LNX2: variants seen among roughly 807,000 people sequenced by gnomAD.
LNX2 encodes ligand of Numb protein X 2.
LNX2 carries 35 observed loss-of-function variants against 66.2 expected under a neutral mutation model. That is an observed-to-expected ratio of 0.53 (90% CI 0.40 to 0.70). The LOEUF (loss-of-function observed/expected upper bound fraction) is 0.70. Among genes scored for constraint, LNX2 ranks in the 30% least tolerant of loss-of-function variants. The probability of loss-of-function intolerance (pLI) is 0.00; values close to 1 mark genes in which losing one functional copy is unlikely to be tolerated. For synonymous variants in LNX2, 337 were observed against 315.6 expected (o/e 1.07, Z -0.72); for missense variants, 791 against 850.8 (o/e 0.93, Z 0.87).
At chr13:27,568,229 G>A (rs893440260) in intron 3 of LNX2, among the ~76,000 whole-genome samples, 1 of 152,234 alleles carries the variant, frequency 6.6e-6, no homozygotes, top group Non-Finnish European at 1.5e-5. Context: ...CACAGGTGTT[G>A]AGAGAGTAGC....
rs942833773 is a variant in LNX2 at position 27,581,814 on chromosome 13, A to G, written c.-100-11T>C. 22 of 780,310 alleles carry G rather than the reference A, an allele frequency of 2.8e-5. No homozygotes were observed. The highest frequency in any genetic ancestry group is 1.7e-4 in the Admixed American group (6 of 34,836). The allele number at this position is 780,310 out of a possible 1,614,324, so 48.3% of individuals were successfully genotyped here. ...TCAAGGTGTGTTTTTCTAGATAAGC[A>G]AAACAAACACATTAAAAAAGGTAAT... On this transcript the variant is annotated splice_polypyrimidine_tract_variant and intron_variant, in intron 1 of 9. Coordinates refer to ENST00000316334, the MANE Select transcript of LNX2 (RefSeq NM_153371.4).
chr13:27,561,285 T>C (rs575058607), intron 5 of LNX2, among the ~76,000 whole-genome samples: 4 of 152,342 alleles, frequency 2.6e-5, no homozygotes, highest in Admixed American at 1.3e-4. Context: ...CCATCTATTA[T>C]TTTCTATCTT....
chr13:27,587,942 G>A (rs1160476646), intron 1 of LNX2, among the ~76,000 whole-genome samples: 4 of 147,372 alleles, frequency 2.7e-5, no homozygotes, highest in East Asian at 4.0e-4. Context: ...AATGGCGTGA[G>A]CCCTGGAGGC....
chr13:27,567,996 C>T (rs1249497613), intron 3 of LNX2, among the ~76,000 whole-genome samples, 157 bp from the exon 4 acceptor site: 1 of 152,168 alleles, frequency 6.6e-6, no homozygotes, highest in Non-Finnish European at 1.5e-5. Flanking sequence ...GACAAAATAT[C>T]TGTTGTTAAG....
chr13:27,566,483 G>A (rs905331196), intron 4 of LNX2, among the ~76,000 whole-genome samples: 2 of 152,200 alleles, frequency 1.3e-5, no homozygotes, highest in African/African-American at 4.8e-5. Context: ...AACAAGACAG[G>A]TTGTAGAAGA....
chr13:27,583,359 G>T (rs113800663), intron 1 of LNX2, among the ~76,000 whole-genome samples: 1,780 of 148,784 alleles, frequency 0.012, 118 homozygotes, highest in African/African-American at 0.044. Flanking sequence ...CCAGGTTCAA[G>T]CGATTCTCCT....
intron 1 of LNX2, among the ~76,000 whole-genome samples, chr13:27,585,036 T>C (rs941860098): frequency 2.6e-5 from 4 of 150,986 alleles, no homozygotes; most frequent in Middle Eastern, 3.4e-3. Flanking sequence ...GAGAATCACT[T>C]GAGCCTAGGA....
At chr13:27,570,822 C>T (rs562432685) in intron 2 of LNX2, among the ~76,000 whole-genome samples, 13 of 152,136 alleles carry the variant, frequency 8.5e-5, no homozygotes, top group South Asian at 8.3e-4. Context: ...AAAAAATGAA[C>T]CAGGAACTGG....
chr13:27,553,948 T>G (rs1955032021), intron 7 of LNX2, among the ~76,000 whole-genome samples: 1 of 152,180 alleles, frequency 6.6e-6, no homozygotes. Context: ...TGGGCCCACA[T>G]GAAGAAATGA....
intron 5 of LNX2, among the ~76,000 whole-genome samples, chr13:27,561,324 TACTCAAACAGATGCTATA>T (rs1480475665): frequency 6.6e-6 from 1 of 152,160 alleles, no homozygotes; most frequent in African/African-American, 2.4e-5. Flanking sequence ...TTGACTCTTT[TACTCAAACAGATGCTATA>T]ACTCTATTAG....
chr13:27,598,250 G>A (rs1260800837), intron 1 of LNX2, among the ~76,000 whole-genome samples: 1 of 149,766 alleles, frequency 6.7e-6, no homozygotes. Context: ...GCCCACATCT[G>A]GCTGAAACAT....
intron 1 of LNX2, among the ~76,000 whole-genome samples, chr13:27,596,649 T>C (rs958421513): frequency 2.6e-5 from 4 of 152,224 alleles, no homozygotes; most frequent in African/African-American, 4.8e-5. Flanking sequence ...CTTACCCACC[T>C]TTCCAAACAA....
chr13:27,618,808 T>C (rs934460686), intron 1 of LNX2, among the ~76,000 whole-genome samples: 23 of 152,124 alleles, frequency 1.5e-4, no homozygotes, highest in African/African-American at 5.6e-4. Context: ...CAAAGACACA[T>C]ACATTTATTT....
intron 1 of LNX2, among the ~76,000 whole-genome samples, chr13:27,588,090 T>C (rs934825009): frequency 6.8e-6 from 1 of 147,850 alleles, no homozygotes; most frequent in Non-Finnish European, 1.5e-5. Context: ...AACCCTTTTA[T>C]CCACTCTGGA....
chr13:27,599,897 C>G (rs532051174), intron 1 of LNX2, among the ~76,000 whole-genome samples: 2 of 152,064 alleles, frequency 1.3e-5, no homozygotes, highest in African/African-American at 2.4e-5. Context: ...AAGAGCATTA[C>G]GCCAATCCTG....
chr13:27,562,843 GT>G, intron 4 of LNX2, 62 bp from the exon 5 acceptor site: 1 of 1,527,294 alleles, frequency 6.5e-7, no homozygotes, highest in South Asian at 1.3e-5. Flanking sequence ...TTGTAGGAAT[GT>G]TTATGTGACA....
At chr13:27,614,413 G>A (rs1266878482) in intron 1 of LNX2, among the ~76,000 whole-genome samples, 2 of 152,088 alleles carry the variant, frequency 1.3e-5, no homozygotes, top group African/African-American at 2.4e-5. Context: ...TCAGAGCATA[G>A]GAGTACCATT....
intron 1 of LNX2, among the ~76,000 whole-genome samples, chr13:27,609,816 T>A (rs1027706907): frequency 6.6e-6 from 1 of 152,120 alleles, no homozygotes; most frequent in African/African-American, 2.4e-5. Flanking sequence ...ACTCTCAAAA[T>A]AAATCCTGAA....
At chr13:27,611,203 C>A (rs1172859576) in intron 1 of LNX2, among the ~76,000 whole-genome samples, 2 of 152,148 alleles carry the variant, frequency 1.3e-5, no homozygotes, top group Non-Finnish European at 2.9e-5. Context: ...GTAGAAGGAA[C>A]CCAAATGTCT....
Sources: gnomAD v4.1 joint callset for allele counts (sites outside exome capture counted in the v4.1 genomes callset) on GRCh38, gnomAD v4.1.1 for gene constraint, MANE v1.5 for transcripts, NCBI Gene and HGNC (gene_info 2026-07-23, HGNC 2026-07-21) for gene names.